GPR137B: variants seen among roughly 807,000 people sequenced by gnomAD.
The protein encoded by GPR137B is integral membrane protein GPR137B.
A neutral mutation model predicts 42.5 loss-of-function variants in GPR137B; 42 were observed. The ratio of observed to expected loss-of-function variants is 0.99; its 90% confidence interval spans 0.77 to 1.28. GPR137B has a LOEUF of 1.28. Ranked by LOEUF, GPR137B falls within the 50% of genes most tolerant of loss-of-function variation. The pLI is 0.00. For missense variants in GPR137B, 487 were observed against 493.9 expected (o/e 0.99, Z 0.13); for synonymous variants, 218 against 209.7 (o/e 1.04, Z -0.34).
intron 4 of GPR137B, among the ~76,000 whole-genome samples, chr1:236,182,894 G>A (rs575544947): frequency 6.6e-6 from 1 of 152,230 alleles, no homozygotes; most frequent in East Asian, 1.9e-4. Flanking sequence ...AATGACCACA[G>A]TTGTATGACT....
At chr1:236,186,476 C>A (rs529405227) in intron 5 of GPR137B, among the ~76,000 whole-genome samples, 2 of 147,528 alleles carry the variant, frequency 1.4e-5, no homozygotes, top group African/African-American at 2.5e-5. Context: ...TCCTAATGCT[C>A]TCCCTCCCCT....
intron 6 of GPR137B, among the ~76,000 whole-genome samples, chr1:236,206,734 T>C (rs1422495499): frequency 6.6e-6 from 1 of 152,216 alleles, no homozygotes; most frequent in Non-Finnish European, 1.5e-5. Context: ...GCTATTGGGA[T>C]TCCCTTCCCT....
At chr1:236,187,053 G>A (rs1193875905) in intron 5 of GPR137B, among the ~76,000 whole-genome samples, 2 of 152,194 alleles carry the variant, frequency 1.3e-5, no homozygotes, top group East Asian at 1.9e-4. Context: ...TAACTGCTGT[G>A]AGATGGTATC....
Position 236,150,244 on chromosome 1 carries a change from C to T in GPR137B, c.414+7208C>T, listed in dbSNP as rs369816673. Among the ~76,000 whole-genome samples, 33 of 117,226 alleles carry T rather than the reference C, an allele frequency of 2.8e-4. No individual in the cohort carries two copies. Among genetic ancestry groups the T allele is most frequent in the Non-Finnish European group, 5.2e-4 (29 of 56,158 alleles). The allele number at this position is 117,226 out of a possible 152,430, so 76.9% of individuals were successfully genotyped here. On this transcript the variant is annotated intron_variant, in intron 1 of 6. Transcript: ENST00000366592. This position sits in a 1 kb window ranked among gnomAD's most constrained non-coding sequence, Gnocchi z 6.2. ...GTGTGTGCCTGTGTATGTCTGTGCC[C>T]GTGTGTGTGCCTGTGTTTGTGTGTG...
At position 236,156,824 on chromosome 1, in the gene GPR137B, C is replaced by T. The variant is rs149930193; in HGVS notation, c.415-11882C>T. ...CCCCAATATATCAGGAAGTGGGTAG[C>T]GCAGAGGGACCAGGAGAGCAAATAT... On this transcript the variant is annotated intron_variant, in intron 1 of 6. Coordinates refer to ENST00000366592, the MANE Select transcript of GPR137B (RefSeq NM_003272.4). This position sits in a 1 kb window ranked among gnomAD's most constrained non-coding sequence, Gnocchi z 4.8. Among the ~76,000 whole-genome samples, 181 of 152,270 alleles carry T rather than the reference C, an allele frequency of 1.2e-3. 7 individuals are homozygous for T. In the East Asian group the frequency reaches 0.021, roughly 18 times the overall value.
intron 5 of GPR137B, among the ~76,000 whole-genome samples, chr1:236,198,790 A>G (rs1663413834): frequency 6.6e-6 from 1 of 152,044 alleles, no homozygotes; most frequent in African/African-American, 2.4e-5. Flanking sequence ...GATCAGTTTT[A>G]GGAGCTTTTA....
chr1:236,150,589 A>G lies in GPR137B; in HGVS notation c.414+7553A>G, dbSNP rs2102890808. On this transcript the variant is annotated intron_variant, in intron 1 of 6. Transcript: ENST00000366592. The surrounding 1 kb of genome is among the most constrained non-coding windows in gnomAD (Gnocchi z 6.2). ...GGAACAATTAGGCCCCTCACAGCACATTCAGCATCCAACCCCAGTGACCAT... is the reference window on the plus strand; with the variant it reads ...GGAACAATTAGGCCCCTCACAGCACGTTCAGCATCCAACCCCAGTGACCAT... 6.6e-6 allele frequency among the ~76,000 whole-genome samples: 1 copy of G among 152,272 alleles called. No homozygotes were observed. Among genetic ancestry groups the G allele is most frequent in the Middle Eastern group, 3.4e-3 (1 of 294 alleles).
intron 1 of GPR137B, among the ~76,000 whole-genome samples, chr1:236,160,604 C>T (rs908151964): frequency 5.9e-5 from 9 of 152,332 alleles, no homozygotes; most frequent in South Asian, 2.1e-4. Flanking sequence ...CCCTGAATAA[C>T]CTCTTTCTTG....
intron 2 of GPR137B, among the ~76,000 whole-genome samples, chr1:236,170,732 T>G (rs182446009): frequency 9.2e-5 from 14 of 152,188 alleles, no homozygotes; most frequent in Non-Finnish European, 1.3e-4. Context: ...TCCCAGAACT[T>G]TGGGAGGCCG....
At chr1:236,145,915 T>C (rs1474828378) in intron 1 of GPR137B, among the ~76,000 whole-genome samples, 5 of 152,160 alleles carry the variant, frequency 3.3e-5, no homozygotes, top group Non-Finnish European at 7.3e-5. Context: ...AGCCTTGCTT[T>C]GTGGTGATCT....
rs935558005 is a variant in GPR137B, at chr1:236,170,942, C to T, written c.464+2187C>T. Among the ~76,000 whole-genome samples, 10 of 149,578 alleles carry T rather than the reference C, an allele frequency of 6.7e-5. 1 individual carries two copies. The highest frequency in any genetic ancestry group is 6.7e-4 in the Admixed American group (10 of 14,960). On this transcript the variant is annotated intron_variant, in intron 2 of 6. Coordinates refer to ENST00000366592, the MANE Select transcript of GPR137B (RefSeq NM_003272.4). ...AGTGTGTGGAGATCATGCCACTGCA[C>T]TCCAGCCTGGGCAACACAGCGACTC...
chr1:236,186,210 A>G (rs1236016868), intron 5 of GPR137B, among the ~76,000 whole-genome samples: 3 of 56,546 alleles, frequency 5.3e-5, no homozygotes, highest in African/African-American at 4.8e-4. Flanking sequence ...TTATTATACT[A>G]TATATTATAT....
chr1:236,148,302 C>A (rs1042417134), intron 1 of GPR137B, among the ~76,000 whole-genome samples: 2 of 152,198 alleles, frequency 1.3e-5, no homozygotes, highest in African/African-American at 4.8e-5. Context: ...CTGTGCCCTG[C>A]AGGGGCAGAA....
Position 236,178,530 on chromosome 1 carries a change from G to C in GPR137B, c.581G>C (p.Arg194Pro), listed in dbSNP as rs1362074631. ...NWERKVIVSV[R>P]VAINDTLFVL... ...GAGAGGAAGGTTATCGTCTCTGTGC[G>C]AGTGGCCATTAATGACACGCTCTTC... Residue 194 changes from arginine to proline, a missense_variant, in exon 3 of 7, where the codon CGA becomes CCA. Arg to Pro is a moderately radical substitution (Grantham distance 103). Transcript: ENST00000366592. 1.9e-6 allele frequency: 3 copies of C among 1,613,104 alleles called. No homozygotes were observed. The highest frequency in any genetic ancestry group is 2.7e-5 in the African/African-American group (2 of 74,840).
rs1558491444 is a variant in GPR137B at position 236,186,285 on chromosome 1, AAAT to A, written c.966+2384_966+2386del. 3.1e-5 allele frequency among the ~76,000 whole-genome samples: 3 copies of A among 96,464 alleles called. No individual in the cohort carries two copies. The East Asian group carries it at 7.6e-4, about 24-fold the overall frequency. The allele number at this position is 96,464 out of a possible 152,430, so 63.3% of individuals were successfully genotyped here. A position where few individuals can be genotyped will look rare whatever the true frequency, so the allele number is the denominator to read the frequency against. ...TATTATATATTATATATAATAATAT[AAAT>A]AATATATAATATATATTATATATAA... On this transcript the variant is annotated intron_variant, in intron 5 of 6. Coordinates refer to ENST00000366592, the MANE Select transcript of GPR137B (RefSeq NM_003272.4).
At chr1:236,172,380 A>G (rs1297245139) in intron 2 of GPR137B, among the ~76,000 whole-genome samples, 1 of 152,228 alleles carries the variant, frequency 6.6e-6, no homozygotes, top group Admixed American at 6.5e-5. Context: ...GAACTAGTTG[A>G]AACTTTCCAC....
rs1404431452 is a variant in GPR137B at position 236,207,753 on chromosome 1, TG to T, written c.1092-296del. Among the ~76,000 whole-genome samples, 3 of 152,168 alleles carry T rather than the reference TG, an allele frequency of 2.0e-5. No individual in the cohort carries two copies. In the East Asian group the frequency reaches 5.8e-4, roughly 29 times the overall value. On this transcript the variant is annotated intron_variant, in intron 6 of 6. Coordinates refer to ENST00000366592, the MANE Select transcript of GPR137B (RefSeq NM_003272.4). ...ACCACAGGTTGTGAGCTGTACTCCA[TG>T]TTAGGATTCAGATGCAGTTTGTTGC...
rs117102392 is a variant in GPR137B, at chr1:236,154,817, C to T, written c.414+11781C>T. 9.1e-4 allele frequency among the ~76,000 whole-genome samples: 139 copies of T among 152,294 alleles called. 2 individuals are homozygous for T. In the East Asian group the frequency reaches 0.026, roughly 29 times the overall value. ...ATCAGGGCACGATGGTACGACACTGCACACTGCCGCACGTGGCCCGGGACC... is the reference window on the plus strand; with the variant it reads ...ATCAGGGCACGATGGTACGACACTGTACACTGCCGCACGTGGCCCGGGACC... On this transcript the variant is annotated intron_variant, in intron 1 of 6. Transcript: ENST00000366592.
At chr1:236,191,388 C>T (rs948860128) in intron 5 of GPR137B, among the ~76,000 whole-genome samples, 8 of 152,108 alleles carry the variant, frequency 5.3e-5, no homozygotes, top group African/African-American at 1.2e-4. Flanking sequence ...CCCTTGCTGG[C>T]GAGGAGTTGT....
Sources: gnomAD v4.1 joint callset for allele counts (sites outside exome capture counted in the v4.1 genomes callset) on GRCh38, gnomAD v4.1.1 for gene constraint, Gnocchi (gnomAD v3.1) non-coding constraint, MANE v1.5 for transcripts, NCBI Gene and HGNC (gene_info 2026-07-23, HGNC 2026-07-21) for gene names.